SRPK2: variants seen among roughly 807,000 people sequenced by gnomAD.
SRPK2 encodes SRSF protein kinase 2.
Under a neutral mutation model 90.8 loss-of-function variants are expected in SRPK2, and 21 were observed. That is an observed-to-expected ratio of 0.23 (90% CI 0.16 to 0.33). The LOEUF (loss-of-function observed/expected upper bound fraction) is 0.33. Among genes scored for constraint, SRPK2 ranks in the 10% least tolerant of loss-of-function variants. The pLI is 1.00. For synonymous variants in SRPK2, 288 were observed against 311.1 expected, an observed-to-expected ratio of 0.93 and a Z score of 0.78; for missense variants, 620 against 869.0, an observed-to-expected ratio of 0.71 and a Z score of 3.60.
intron 2 of SRPK2, among the ~76,000 whole-genome samples, chr7:105,316,740 C>A (rs1375560819): frequency 1.3e-5 from 2 of 152,210 alleles, no homozygotes; most frequent in Non-Finnish European, 2.9e-5. Context: ...GGATTAGCCT[C>A]TTCTCACTCC....
At chr7:105,286,861 G>A (rs541289334) in intron 2 of SRPK2, among the ~76,000 whole-genome samples, 2 of 152,320 alleles carry the variant, frequency 1.3e-5, no homozygotes, top group African/African-American at 4.8e-5. Flanking sequence ...ACGTGGCCTA[G>A]GAGAATCACA....
chr7:105,187,611 ACT>A (rs1184674883), intron 3 of SRPK2, among the ~76,000 whole-genome samples: 12 of 151,410 alleles, frequency 7.9e-5, no homozygotes, highest in African/African-American at 2.9e-4. Context: ...CGTCTTGAAA[ACT>A]CTTTTTTTAT....
chr7:105,253,214 C>A (rs1433397891), intron 2 of SRPK2, among the ~76,000 whole-genome samples: 18 of 152,206 alleles, frequency 1.2e-4, no homozygotes, highest in Non-Finnish European at 1.5e-5. Context: ...AATTCATCCA[C>A]TCTCTGTCAC....
intron 1 of SRPK2, among the ~76,000 whole-genome samples, chr7:105,398,279 T>C (rs576474177): frequency 6.6e-6 from 1 of 152,174 alleles, no homozygotes; most frequent in African/African-American, 2.4e-5. Flanking sequence ...CACTAAATCA[T>C]GTTGCATCTT....
chr7:105,346,328 CTGAT>C (rs1433349220), intron 2 of SRPK2, among the ~76,000 whole-genome samples: 2 of 152,096 alleles, frequency 1.3e-5, no homozygotes, highest in Non-Finnish European at 1.5e-5. Context: ...CTGCACTTAA[CTGAT>C]TATCACATAA....
intron 3 of SRPK2, among the ~76,000 whole-genome samples, chr7:105,183,618 C>T (rs916001994): frequency 1.3e-5 from 2 of 152,066 alleles, no homozygotes; most frequent in African/African-American, 4.8e-5. Context: ...TCCAGAGTAG[C>T]TAGGAGTACA....
At chr7:105,393,853 C>A (rs1275515149), upstream of SRPK2, among the ~76,000 whole-genome samples, 1 of 151,848 alleles carries the variant, frequency 6.6e-6, no homozygotes, top group African/African-American at 2.4e-5. Flanking sequence ...CACTTGAGCC[C>A]AGGAGTTCAA....
chr7:105,331,902 T>C lies in SRPK2; in HGVS notation c.71+56746A>G, dbSNP rs189882069. Among the ~76,000 whole-genome samples the C allele has an allele frequency of 9.2e-5, 14 of 152,216 alleles. No homozygotes were observed. In the South Asian group the frequency reaches 1.0e-3, roughly 11 times the overall value. ...GGCCAGGCACAGTGGCTCAGGCCTA[T>C]AATCTCAGCACTTTGGGAAGCCAAG... On this transcript the variant is annotated intron_variant, in intron 2 of 15. Coordinates refer to ENST00000393651, the MANE Select transcript of SRPK2 (RefSeq NM_182692.3).
chr7:105,150,487 A>T (rs1036658872), intron 7 of SRPK2, among the ~76,000 whole-genome samples: 5 of 152,218 alleles, frequency 3.3e-5, no homozygotes, highest in Non-Finnish European at 7.3e-5. Flanking sequence ...CTGCACTCCA[A>T]CCTAGGCGAC....
chr7:105,258,926 T>C (rs1185679512), intron 2 of SRPK2, among the ~76,000 whole-genome samples: 1 of 152,148 alleles, frequency 6.6e-6, no homozygotes, highest in Non-Finnish European at 1.5e-5. Flanking sequence ...CCACAGCCAA[T>C]ATCATACTGA....
chr7:105,181,881 T>TAAAA (rs755821029), intron 3 of SRPK2, among the ~76,000 whole-genome samples: 33 of 84,822 alleles, frequency 3.9e-4, no homozygotes, highest in Admixed American at 6.7e-4. Context: ...AAGATAAAAG[T>TAAAA]AAAAAAAAAA....
At position 105,345,984 on chromosome 7, in the gene SRPK2, ATACT is replaced by A. The variant is rs568765302; in HGVS notation, c.71+42660_71+42663del. Among the ~76,000 whole-genome samples, 38 of 152,358 alleles carry A rather than the reference ATACT, an allele frequency of 2.5e-4. 1 individual carries two copies. The South Asian group carries it at 7.5e-3, about 30-fold the overall frequency. On this transcript the variant is annotated intron_variant, in intron 2 of 15. Coordinates refer to ENST00000393651, the MANE Select transcript of SRPK2 (RefSeq NM_182692.3). ...CGGTAGCAAAGGTTTAAAACGTTAC[ATACT>A]TCCCTCTCTCTGCTGACTAGACATT...
chr7:105,119,661 G>C (rs1362428675), intron 15 of SRPK2, among the ~76,000 whole-genome samples: 1 of 152,188 alleles, frequency 6.6e-6, no homozygotes, highest in Non-Finnish European at 1.5e-5. Flanking sequence ...AGGCGGGAAA[G>C]GATCTCCTGT....
chr7:105,145,322 A>G lies in SRPK2; in HGVS notation c.788-14T>C. Reference sequence around the variant, plus strand: ...GAGCCGTACTCACTAAAATAAAATCAAACAAAATCTGTATTTAGCAGAAAA... The same window carrying G: ...GAGCCGTACTCACTAAAATAAAATCGAACAAAATCTGTATTTAGCAGAAAA... On this transcript the variant is annotated splice_polypyrimidine_tract_variant and intron_variant, in intron 8 of 15. Transcript: ENST00000393651. 3.2e-6 allele frequency: 5 copies of G among 1,586,010 alleles called. No individual in the cohort carries two copies. Among genetic ancestry groups the G allele is most frequent in the South Asian group, 1.2e-5 (1 of 84,986 alleles).
intron 11 of SRPK2, among the ~76,000 whole-genome samples, chr7:105,134,310 T>G (rs1200045913): frequency 6.6e-6 from 1 of 152,078 alleles, no homozygotes; most frequent in East Asian, 1.9e-4. Context: ...TCTCACGAGA[T>G]CTGGTTGTTT....
chr7:105,305,419 C>T (rs55962925), intron 2 of SRPK2, among the ~76,000 whole-genome samples: 7,654 of 151,740 alleles, frequency 0.05, 287 homozygotes, highest in East Asian at 0.16. Flanking sequence ...CAGTCTCGCA[C>T]AATAGAGCGA....
chr7:105,242,683 A>G (rs1326491777), intron 2 of SRPK2, among the ~76,000 whole-genome samples: 1 of 152,130 alleles, frequency 6.6e-6, no homozygotes. Context: ...GACAAAAACA[A>G]TCTAGAGTTT....
chr7:105,369,575 T>G (rs1309904775), intron 2 of SRPK2, among the ~76,000 whole-genome samples: 1 of 152,216 alleles, frequency 6.6e-6, no homozygotes. Context: ...CACGATGTAT[T>G]TCATCTGTGA....
rs56844894 is a variant in SRPK2 at position 105,160,938 on chromosome 7, A to AT, written c.515-326dup. Among the ~76,000 whole-genome samples, 554 of 150,738 alleles carry AT rather than the reference A, an allele frequency of 3.7e-3. 14 individuals carry two copies. In the East Asian group the frequency reaches 0.062, roughly 17 times the overall value. On this transcript the variant is annotated intron_variant, in intron 6 of 15. Transcript: ENST00000393651. ...ACATCCTTCCATATACTTTATTTTTATTTTTTTTTGAGACGGAGTCTTGCT... is the reference window on the plus strand; with the variant it reads ...ACATCCTTCCATATACTTTATTTTTATTTTTTTTTTGAGACGGAGTCTTGCT...
Sources: gnomAD v4.1 joint callset for allele counts (sites outside exome capture counted in the v4.1 genomes callset) on GRCh38, gnomAD v4.1.1 for gene constraint, MANE v1.5 for transcripts, NCBI Gene and HGNC (gene_info 2026-07-23, HGNC 2026-07-21) for gene names.